Variants in KLF12 observed in about 807,000 individuals in gnomAD.
The protein encoded by KLF12 is KLF transcription factor 12, also known as Krueppel-like factor 12.
A neutral mutation model predicts 37.8 loss-of-function variants in KLF12; 9 were observed. The ratio of observed to expected loss-of-function variants is 0.24; its 90% confidence interval spans 0.14 to 0.42. The LOEUF is 0.42. Among genes scored for constraint, KLF12 ranks in the 10% least tolerant of loss-of-function variants. The pLI, the probability that KLF12 is intolerant of heterozygous loss-of-function variation, is 1.00. For missense variants in KLF12, 411 were observed against 516.0 expected (o/e 0.80, Z 1.97); for synonymous variants, 208 against 202.1 (o/e 1.03, Z -0.25).
At chr13:74,272,648 G>C in the KLF12 span, among the ~76,000 whole-genome samples, 4 of 152,146 alleles carry the variant, frequency 2.6e-5, no homozygotes, top group South Asian at 8.3e-4. Flanking sequence ...TGATAACAAA[G>C]AGCTGAAAGA....
At chr13:73,998,284 G>C (rs1284927460) in intron 1 of KLF12, among the ~76,000 whole-genome samples, 3 of 152,216 alleles carry the variant, frequency 2.0e-5, no homozygotes, top group Middle Eastern at 3.4e-3. Context: ...AGTCTTTAAA[G>C]GTTAGTGTTT....
At chr13:73,949,564 T>G (rs1890568453) in intron 2 of KLF12, among the ~76,000 whole-genome samples, 1 of 152,238 alleles carries the variant, frequency 6.6e-6, no homozygotes, top group Admixed American at 6.5e-5. Flanking sequence ...AAAATATTCT[T>G]GCCTTTGGTG....
At chr13:73,792,651 C>T (rs541452501) in intron 5 of KLF12, among the ~76,000 whole-genome samples, 5 of 151,990 alleles carry the variant, frequency 3.3e-5, no homozygotes, top group Admixed American at 1.3e-4. Flanking sequence ...GTATGAAGGT[C>T]GCATGGGTGT....
the KLF12 span, among the ~76,000 whole-genome samples, chr13:74,159,704 C>A: frequency 6.6e-6 from 1 of 151,840 alleles, no homozygotes; most frequent in South Asian, 2.1e-4. Context: ...ATTTTTTTTT[C>A]AGGTAGACAT....
At chr13:74,036,568 A>G (rs1893251414) in intron 1 of KLF12, among the ~76,000 whole-genome samples, 1 of 152,170 alleles carries the variant, frequency 6.6e-6, no homozygotes, top group South Asian at 2.1e-4. Context: ...AGATTTTTCT[A>G]TCCAGATGAC....
At chr13:74,156,530 G>T in the KLF12 span, among the ~76,000 whole-genome samples, 1 of 152,004 alleles carries the variant, frequency 6.6e-6, no homozygotes, top group Non-Finnish European at 1.5e-5. Context: ...ATTGACTACA[G>T]CCACCTTATT....
chr13:73,811,575 T>C (rs550007731), intron 5 of KLF12, among the ~76,000 whole-genome samples: 37 of 152,308 alleles, frequency 2.4e-4, no homozygotes, highest in African/African-American at 8.2e-4. Flanking sequence ...AAGCTTTCTA[T>C]ATGCCAAAAC....
chr13:73,994,412 A>G (rs2138266748), intron 2 of KLF12, among the ~76,000 whole-genome samples: 1 of 152,252 alleles, frequency 6.6e-6, no homozygotes, highest in East Asian at 1.9e-4. Context: ...GAAAATCTCA[A>G]CTACCACAAA....
the KLF12 span, among the ~76,000 whole-genome samples, chr13:74,299,657 G>A: frequency 1.3e-5 from 2 of 152,096 alleles, no homozygotes; most frequent in African/African-American, 4.8e-5. Context: ...CATATTTTTT[G>A]AAGAACTGCC....
chr13:73,778,390 C>G (rs1050354269), intron 5 of KLF12, among the ~76,000 whole-genome samples: 1 of 152,038 alleles, frequency 6.6e-6, no homozygotes, highest in Non-Finnish European at 1.5e-5. Flanking sequence ...CTCTGTATGA[C>G]TCCCCGGTCA....
chr13:73,961,026 T>C (rs1452261169), intron 2 of KLF12, among the ~76,000 whole-genome samples: 1 of 152,162 alleles, frequency 6.6e-6, no homozygotes, highest in Non-Finnish European at 1.5e-5. Context: ...GAAATAAATC[T>C]TTCCTGGTTC....
chr13:73,893,772 T>C (rs979887108), intron 3 of KLF12, among the ~76,000 whole-genome samples: 4 of 152,142 alleles, frequency 2.6e-5, no homozygotes, highest in African/African-American at 4.8e-5. Flanking sequence ...TAATTCACCA[T>C]CCAGTCAAGA....
rs906474139 is a variant in KLF12, at chr13:73,812,955, A to G, written c.806+197T>C. On this transcript the variant is annotated intron_variant, in intron 5 of 7. Coordinates refer to ENST00000377669, the MANE Select transcript of KLF12 (RefSeq NM_007249.5). ...CATAGGTCTTATATCTCATCAAAGC[A>G]TGAATTTCCAACTCATTAAAACACT... is the stretch of plus-strand genomic sequence containing the variant. 15 of 560,186 alleles carry G rather than the reference A, an allele frequency of 2.7e-5. No homozygotes were observed. In the African/African-American group the frequency reaches 2.8e-4, roughly 10 times the overall value. 34.7% of individuals were successfully genotyped at this position (560,186 alleles called of 1,614,324 possible). A position where few individuals can be genotyped will look rare whatever the true frequency, so the allele number is the denominator to read the frequency against.
chr13:73,971,335 C>T (rs1047549169), intron 2 of KLF12, among the ~76,000 whole-genome samples: 2 of 152,116 alleles, frequency 1.3e-5, no homozygotes, highest in African/African-American at 2.4e-5. Context: ...ACAAAATAGA[C>T]TACATAACCA....
chr13:74,099,927 T>C lies in KLF12; in HGVS notation c.-32+33812A>G, dbSNP rs552858435. ...GGTATAAGTTTTTCAAATTGAACCA[T>C]AAAACATTCCTGTATTTTGTGCCCA... On this transcript the variant is annotated intron_variant, in intron 1 of 7. Coordinates refer to ENST00000377669, the MANE Select transcript of KLF12 (RefSeq NM_007249.5). 4.6e-5 allele frequency among the ~76,000 whole-genome samples: 7 copies of C among 152,278 alleles called. No individual in the cohort carries two copies. The South Asian group carries it at 8.3e-4, about 18-fold the overall frequency.
intron 6 of KLF12, among the ~76,000 whole-genome samples, chr13:73,723,242 C>T (rs1876407324): frequency 6.6e-6 from 1 of 152,066 alleles, no homozygotes; most frequent in Admixed American, 6.6e-5. Context: ...AGTATCTATT[C>T]AAAATAGCTA....
At chr13:74,264,704 T>A in the KLF12 span, among the ~76,000 whole-genome samples, 5 of 152,210 alleles carry the variant, frequency 3.3e-5, no homozygotes, top group Non-Finnish European at 7.3e-5. Flanking sequence ...GGTAACTGAA[T>A]TTGGATTTCA....
In KLF12 at chr13:73,972,018, G is replaced by A. The variant is rs115375745; in HGVS notation, c.33+22972C>T. On this transcript the variant is annotated intron_variant, in intron 2 of 7. Transcript: ENST00000377669. ...TTTGGGTGCTACCGAATCATTAAGT[G>A]TTCATTAAATCAAACCAAATGATAT... Among the ~76,000 whole-genome samples, 589 of 152,256 alleles carry A rather than the reference G, an allele frequency of 3.9e-3. 6 individuals are homozygous for A. The highest frequency in any genetic ancestry group is 0.014 in the African/African-American group (571 of 41,528).
intron 3 of KLF12, among the ~76,000 whole-genome samples, chr13:73,933,320 C>T (rs1044747405): frequency 7.2e-5 from 11 of 152,096 alleles, no homozygotes; most frequent in African/African-American, 2.4e-4. Flanking sequence ...CACTTTTTAT[C>T]TTAAAACAAT....
Sources: gnomAD v4.1 joint callset for allele counts (sites outside exome capture counted in the v4.1 genomes callset) on GRCh38, gnomAD v4.1.1 for gene constraint, MANE v1.5 for transcripts, NCBI Gene and HGNC (gene_info 2026-07-23, HGNC 2026-07-21) for gene names.